NTN1: variants seen among roughly 807,000 people sequenced by gnomAD.
NTN1 encodes the protein netrin-1.
A neutral mutation model predicts 54.2 loss-of-function variants in NTN1; 11 were observed. That is an observed-to-expected ratio of 0.20 (90% CI 0.13 to 0.34). The LOEUF is 0.34. Among genes scored for constraint, NTN1 ranks in the 10% least tolerant of loss-of-function variants. The pLI is 1.00. For missense variants in NTN1, 740 were observed against 893.1 expected (o/e 0.83, Z 2.18); for synonymous variants, 371 against 382.0 (o/e 0.97, Z 0.33).
chr17:9,199,756 G>A (rs994218974), intron 5 of NTN1, among the ~76,000 whole-genome samples: 1 of 152,246 alleles, frequency 6.6e-6, no homozygotes, highest in Non-Finnish European at 1.5e-5. Context: ...CTGGTTGGGC[G>A]GGGAATGGAG....
chr17:9,194,142 A>C (rs1904558594), intron 5 of NTN1, among the ~76,000 whole-genome samples: 1 of 152,018 alleles, frequency 6.6e-6, no homozygotes, highest in South Asian at 2.1e-4. Flanking sequence ...AGGCTGAGGC[A>C]GGAGAATCGC....
rs895533457 is a variant in NTN1 at position 9,161,266 on chromosome 17, G to T, written c.1019-1547G>T. The stretch of plus-strand genomic sequence containing the variant: ...AGAAGGAGGCAGCCAGATAAAACGG[G>T]AGTGTCCTGGGAGGAAGGGAACAGC... On this transcript the variant is annotated intron_variant, in intron 2 of 6. Coordinates refer to ENST00000173229, the MANE Select transcript of NTN1 (RefSeq NM_004822.3). 2.0e-5 allele frequency among the ~76,000 whole-genome samples: 3 copies of T among 152,352 alleles called. No homozygotes were observed. In the East Asian group the frequency reaches 5.8e-4, roughly 29 times the overall value.
chr17:9,224,279 C>A (rs962546604), intron 6 of NTN1, among the ~76,000 whole-genome samples: 4 of 152,198 alleles, frequency 2.6e-5, no homozygotes, highest in Admixed American at 6.5e-5. Context: ...GTCTGCCGAA[C>A]CTGACACCCT....
chr17:9,208,255 T>C (rs1358122708), intron 5 of NTN1, among the ~76,000 whole-genome samples: 2 of 152,110 alleles, frequency 1.3e-5, no homozygotes, highest in Admixed American at 6.5e-5. Context: ...AAATAAAGCC[T>C]AAGCCCTTTA....
At chr17:9,012,735 C>CCCT in the NTN1 span, among the ~76,000 whole-genome samples, 4 of 152,056 alleles carry the variant, frequency 2.6e-5, no homozygotes, top group Non-Finnish European at 5.9e-5. Flanking sequence ...ACGTCCTGTT[C>CCCT]CCTCCCCTGC....
intron 2 of NTN1, among the ~76,000 whole-genome samples, chr17:9,102,453 A>G (rs1027665913): frequency 6.6e-6 from 1 of 152,212 alleles, no homozygotes; most frequent in African/African-American, 2.4e-5. Context: ...AACTGCCCCC[A>G]TGATTCAATT....
intron 2 of NTN1, among the ~76,000 whole-genome samples, chr17:9,104,113 A>C (rs1334587648): frequency 6.8e-6 from 1 of 147,368 alleles, no homozygotes; most frequent in South Asian, 2.2e-4. Flanking sequence ...AAAAAAAAAG[A>C]CAAGTACCGT....
At chr17:9,145,916 C>CAAAAA (rs60504172) in intron 2 of NTN1, among the ~76,000 whole-genome samples, 1 of 88,996 alleles carries the variant, frequency 1.1e-5, no homozygotes, top group African/African-American at 4.3e-5. Flanking sequence ...GACTCCATCT[C>CAAAAA]AAAAAAAAAA....
At chr17:9,033,917 CAAA>C (rs58699789) in intron 2 of NTN1, among the ~76,000 whole-genome samples, 2 of 106,468 alleles carry the variant, frequency 1.9e-5, no homozygotes, top group Admixed American at 1.1e-4. Context: ...AACTCTGTCT[CAAA>C]AAAAAAAAAA....
At chr17:9,127,128 G>C (rs1298436782) in intron 2 of NTN1, among the ~76,000 whole-genome samples, 1 of 151,840 alleles carries the variant, frequency 6.6e-6, no homozygotes. Context: ...GGAAGCTAAG[G>C]GGGTGTGTGT....
chr17:9,166,189 C>T (rs193022567), intron 3 of NTN1, among the ~76,000 whole-genome samples: 3,269 of 115,618 alleles, frequency 0.028, 255 homozygotes, highest in East Asian at 0.28. Flanking sequence ...ACCACCACCA[C>T]CACCACCACC....
rs969619750 is a variant in NTN1 at position 9,221,983 on chromosome 17, G to A, written c.1486+741G>A. 2.0e-5 allele frequency among the ~76,000 whole-genome samples: 3 copies of A among 152,192 alleles called. No individual in the cohort carries two copies. Among genetic ancestry groups the A allele is most frequent in the Admixed American group, 1.3e-4 (2 of 15,286 alleles). ...GCAGGGGCTCTTCAGAATGGGGGACGCAAATAGAAACCCTGAAAGCATTGT... is the reference window on the plus strand; with the variant it reads ...GCAGGGGCTCTTCAGAATGGGGGACACAAATAGAAACCCTGAAAGCATTGT... On this transcript the variant is annotated intron_variant, in intron 6 of 6. Coordinates refer to ENST00000173229, the MANE Select transcript of NTN1 (RefSeq NM_004822.3). This position sits in a 1 kb window ranked among gnomAD's most constrained non-coding sequence, Gnocchi z 4.5.
intron 5 of NTN1, chr17:9,183,558 A>G (rs547831179): frequency 2.1e-4 from 65 of 315,606 alleles, no homozygotes; most frequent in African/African-American, 1.4e-3. Flanking sequence ...GCTGGTGCAG[A>G]TATCATAAAT....
intron 6 of NTN1, among the ~76,000 whole-genome samples, chr17:9,234,094 G>A (rs529531488): frequency 1.3e-5 from 2 of 152,330 alleles, no homozygotes; most frequent in East Asian, 1.9e-4. Context: ...TCGGAGCCAC[G>A]GCCAGCCCTC....
intron 2 of NTN1, among the ~76,000 whole-genome samples, chr17:9,070,652 T>C (rs6503177): frequency 0.17 from 25,898 of 152,150 alleles, 2,519 homozygotes; most frequent in African/African-American, 0.23. Flanking sequence ...AGTGCAATGT[T>C]GCGATCTCTG....
chr17:9,007,210 T>G, the NTN1 span, among the ~76,000 whole-genome samples: 1 of 151,604 alleles, frequency 6.6e-6, no homozygotes, highest in Non-Finnish European at 1.5e-5. Context: ...TTCCTTTTTC[T>G]TCCTTTCTTT....
intron 2 of NTN1, among the ~76,000 whole-genome samples, chr17:9,052,850 A>G (rs1425896958): frequency 6.6e-6 from 1 of 152,180 alleles, no homozygotes; most frequent in East Asian, 1.9e-4. Flanking sequence ...TACCTAATCC[A>G]TGACTGACAC....
upstream of NTN1, among the ~76,000 whole-genome samples, chr17:9,020,652 C>T (rs1397689930): frequency 6.6e-6 from 1 of 152,226 alleles, no homozygotes; most frequent in Admixed American, 6.5e-5. Flanking sequence ...GTCCCATGAG[C>T]TATTACAGGG....
intron 2 of NTN1, among the ~76,000 whole-genome samples, chr17:9,044,441 G>T (rs778785759): frequency 6.6e-6 from 1 of 152,072 alleles, no homozygotes; most frequent in African/African-American, 2.4e-5. Flanking sequence ...CACCGTGTTG[G>T]CCAGGCTGGT....
Sources: gnomAD v4.1 joint callset for allele counts (sites outside exome capture counted in the v4.1 genomes callset) on GRCh38, gnomAD v4.1.1 for gene constraint, Gnocchi (gnomAD v3.1) non-coding constraint, MANE v1.5 for transcripts, NCBI Gene and HGNC (gene_info 2026-07-23, HGNC 2026-07-21) for gene names.